CD55: variants seen among roughly 807,000 people sequenced by gnomAD.
CD55 encodes complement decay-accelerating factor.
A neutral mutation model predicts 45.8 loss-of-function variants in CD55; 41 were observed. The ratio of observed to expected loss-of-function variants is 0.90; its 90% confidence interval spans 0.70 to 1.16. The LOEUF (loss-of-function observed/expected upper bound fraction) is 1.16, where lower values mean the gene tolerates loss of function less well. Ranked by LOEUF, CD55 falls within the 50% of genes most tolerant of loss-of-function variation. CD55 has a pLI of 0.00. For missense variants in CD55, 416 were observed against 469.8 expected (o/e 0.89, Z 1.06); for synonymous variants, 181 against 181.1 (o/e 1.00, Z 0.01).
At position 207,325,334 on chromosome 1, in the gene CD55, CAAAAA is replaced by C. The variant is rs59606883; in HGVS notation, c.479-274_479-270del. On this transcript the variant is annotated intron_variant, in intron 3 of 9. Transcript: ENST00000367064. ...TGGGCAACAGAGCAAAACTCCATCT[CAAAAA>C]AAAAAAAAAAAAAGTCTAAGGATAA... Among the ~76,000 whole-genome samples the C allele has an allele frequency of 3.5e-5, 4 of 115,644 alleles. No homozygotes were observed. In the Admixed American group the frequency reaches 3.6e-4, roughly 10 times the overall value. 75.9% of individuals were successfully genotyped at this position (115,644 alleles called of 152,430 possible).
chr1:207,335,832 CTG>C (rs1655146883), intron 6 of CD55, among the ~76,000 whole-genome samples: 1 of 152,156 alleles, frequency 6.6e-6, no homozygotes, highest in African/African-American at 2.4e-5. Flanking sequence ...GGGACAGACA[CTG>C]TGAAATAGCT....
intron 9 of CD55, among the ~76,000 whole-genome samples, chr1:207,352,284 C>T (rs1655896423): frequency 6.6e-6 from 1 of 151,798 alleles, no homozygotes; most frequent in African/African-American, 2.4e-5. Flanking sequence ...GCTCTCTTCT[C>T]ACCAAAGACC....
chr1:207,352,710 G>C (rs1655916601), intron 9 of CD55, among the ~76,000 whole-genome samples: 2 of 152,078 alleles, frequency 1.3e-5, no homozygotes, highest in Non-Finnish European at 2.9e-5. Context: ...CCTAAAAGTT[G>C]AATAAATATT....
At position 207,359,985 on chromosome 1, in the gene CD55, A is replaced by G. The variant is rs1656234243; in HGVS notation, c.*375A>G. On this transcript the variant is annotated 3_prime_UTR_variant, in exon 10 of 10. Transcript: ENST00000367064. Reference sequence around the variant, plus strand: ...CCACTTATAAAGGAAATAAAAAATGAAAAACATTATTTGGATATCAAAAGC... The same window carrying G: ...CCACTTATAAAGGAAATAAAAAATGGAAAACATTATTTGGATATCAAAAGC... The G allele has an allele frequency of 6.1e-6, 1 of 165,028 alleles. No individual in the cohort carries two copies. Among genetic ancestry groups the G allele is most frequent in the East Asian group, 1.7e-4 (1 of 6,052 alleles). 10.2% of individuals were successfully genotyped at this position (165,028 alleles called of 1,614,324 possible). A position where few individuals can be genotyped will look rare whatever the true frequency, so the allele number is the denominator to read the frequency against.
At chr1:207,359,479 T>C in intron 9 of CD55, 67 bp from the exon 10 acceptor site, 1 of 1,423,352 alleles carries the variant, frequency 7.0e-7, no homozygotes, top group Non-Finnish European at 9.3e-7. Flanking sequence ...TAAAAATTTA[T>C]ATTTATCACT....
chr1:207,336,575 T>G (rs192724905), intron 6 of CD55, 118 bp from the exon 7 acceptor site: 47 of 1,185,082 alleles, frequency 4.0e-5, no homozygotes, highest in Non-Finnish European at 4.9e-5. Context: ...TTCCTGAAAG[T>G]CATACCTAGG....
intron 9 of CD55, among the ~76,000 whole-genome samples, chr1:207,356,634 T>C (rs1195197465): frequency 6.6e-6 from 1 of 152,018 alleles, no homozygotes; most frequent in African/African-American, 2.4e-5. Context: ...AGCAGACAAA[T>C]GGGGGAAATA....
Position 207,339,445 on chromosome 1 carries a change from G to T in CD55, c.1081+28G>T, listed in dbSNP as rs201307804. The stretch of plus-strand genomic sequence containing the variant: ...AAGTTTGGCTCTCAGGCCATTAAAA[G>T]AAATTGTTTTCACTGTGGGATATAC... On this transcript the variant is annotated intron_variant, in intron 9 of 9. Transcript: ENST00000367064. The T allele has an allele frequency of 1.4e-3, 2,254 of 1,581,452 alleles. 4 individuals are homozygous for T. Among genetic ancestry groups the T allele is most frequent in the Middle Eastern group, 5.5e-3 (33 of 5,996 alleles).
chr1:207,325,399 T>C (rs1036720223), intron 3 of CD55, among the ~76,000 whole-genome samples: 1 of 151,580 alleles, frequency 6.6e-6, no homozygotes, highest in African/African-American at 2.4e-5. Context: ...AATTTACATA[T>C]ATGTGCTTGA....
chr1:207,347,394 G>T, intron 9 of CD55: 1 of 354,842 alleles, frequency 2.8e-6, no homozygotes, highest in Non-Finnish European at 5.5e-6. Context: ...CAAGTAGCTG[G>T]GACTATAGGC....
intron 9 of CD55, among the ~76,000 whole-genome samples, chr1:207,352,410 C>G (rs755776683): frequency 1.3e-5 from 2 of 151,976 alleles, no homozygotes; most frequent in African/African-American, 2.4e-5. Flanking sequence ...TTTTAACTTT[C>G]ATCAGGTATC....
intron 9 of CD55, among the ~76,000 whole-genome samples, chr1:207,341,826 T>C (rs747268961): frequency 3.9e-5 from 6 of 152,108 alleles, no homozygotes; most frequent in Non-Finnish European, 7.4e-5. Flanking sequence ...AATCTTTAGA[T>C]TGCTTTGGCA....
At chr1:207,337,102 A>T in intron 7 of CD55, 1 of 605,268 alleles carries the variant, frequency 1.7e-6, no homozygotes, top group South Asian at 2.0e-5. Flanking sequence ...CAGCTCAGAC[A>T]TCTTTCATAT....
chr1:207,336,203 G>A (rs572358773), intron 6 of CD55, among the ~76,000 whole-genome samples: 121 of 152,234 alleles, frequency 7.9e-4, no homozygotes, highest in African/African-American at 2.7e-3. Flanking sequence ...ATTAAAAGGA[G>A]TTATTTTTAC....
chr1:207,346,901 G>A (rs1022698451), intron 9 of CD55, among the ~76,000 whole-genome samples: 2 of 152,170 alleles, frequency 1.3e-5, no homozygotes, highest in African/African-American at 4.8e-5. Context: ...AGGGACTCCT[G>A]TAGCTAGGAT....
chr1:207,345,349 T>C (rs961880090), intron 9 of CD55, among the ~76,000 whole-genome samples: 5 of 152,106 alleles, frequency 3.3e-5, no homozygotes, highest in Non-Finnish European at 5.9e-5. Context: ...AAGTATATTA[T>C]GTATTTAATA....
intron 9 of CD55, among the ~76,000 whole-genome samples, chr1:207,342,170 C>G (rs1043284030): frequency 6.6e-6 from 1 of 151,702 alleles, no homozygotes; most frequent in African/African-American, 2.4e-5. Context: ...CATATAAAAT[C>G]GTATCATTAA....
intron 9 of CD55, among the ~76,000 whole-genome samples, chr1:207,358,035 A>G (rs1411794760): frequency 6.6e-6 from 1 of 152,152 alleles, no homozygotes; most frequent in Non-Finnish European, 1.5e-5. Flanking sequence ...GGTAACTGAA[A>G]CCACAGATAA....
Position 207,359,748 on chromosome 1 carries a change from G to A in CD55, c.*138G>A. ...CTTTCATTGTCTTTAAGATGTGTTA[G>A]GAATGTCAACAGAGCAAGGAGAAAA... On this transcript the variant is annotated 3_prime_UTR_variant, in exon 10 of 10. Transcript: ENST00000367064. 1.7e-6 allele frequency: 2 copies of A among 1,191,244 alleles called. No homozygotes were observed. Among genetic ancestry groups the A allele is most frequent in the Admixed American group, 6.7e-5 (2 of 29,754 alleles). 73.8% of individuals were successfully genotyped at this position (1,191,244 alleles called of 1,614,324 possible).
Sources: gnomAD v4.1 joint callset for allele counts (sites outside exome capture counted in the v4.1 genomes callset) on GRCh38, gnomAD v4.1.1 for gene constraint, MANE v1.5 for transcripts, NCBI Gene and HGNC (gene_info 2026-07-23, HGNC 2026-07-21) for gene names.